Variants in VRK1 observed in about 807,000 individuals in gnomAD.
VRK1 encodes VRK serine/threonine kinase 1, also known as serine/threonine-protein kinase VRK1.
In VRK1, 33 loss-of-function variants were observed where a neutral mutation model predicts 57.1. That is an observed-to-expected ratio of 0.58 (90% CI 0.44 to 0.77). The LOEUF (loss-of-function observed/expected upper bound fraction) is 0.77, where lower values mean the gene tolerates loss of function less well. VRK1 is among the 30% of genes least tolerant of loss of function. The pLI is 0.00. For missense variants in VRK1, 413 were observed against 477.3 expected, an observed-to-expected ratio of 0.87 and a Z score of 1.25; for synonymous variants, 137 against 147.8, an observed-to-expected ratio of 0.93 and a Z score of 0.53.
chr14:96,817,873 A>G (rs1336496930), intron 1 of VRK1, among the ~76,000 whole-genome samples: 2 of 152,216 alleles, frequency 1.3e-5, no homozygotes, highest in Non-Finnish European at 2.9e-5. Flanking sequence ...AGCTCTTCTC[A>G]TGGGCCATAA....
chr14:96,836,287 A>G (rs1887208799), intron 2 of VRK1, among the ~76,000 whole-genome samples: 1 of 151,952 alleles, frequency 6.6e-6, no homozygotes, highest in African/African-American at 2.4e-5. Context: ...ATTCTCCACA[A>G]AGCAGCCCAA....
intron 4 of VRK1, 36 bp from the exon 5 acceptor site, chr14:96,847,221 A>G (rs762976452): frequency 6.4e-7 from 1 of 1,557,752 alleles, no homozygotes; most frequent in Non-Finnish European, 8.9e-7. Flanking sequence ...TTTATGTATA[A>G]CAATTGAAAT....
chr14:96,797,716 C>A (rs111563893), intron 1 of VRK1, among the ~76,000 whole-genome samples: 37 of 152,194 alleles, frequency 2.4e-4, no homozygotes, highest in Non-Finnish European at 4.9e-4. Context: ...CGGCCCCCAT[C>A]TGAGCTCCAC....
At chr14:96,815,921 A>G (rs191745076) in intron 1 of VRK1, among the ~76,000 whole-genome samples, 99 of 152,100 alleles carry the variant, frequency 6.5e-4, no homozygotes, top group African/African-American at 2.3e-3. Context: ...CTGTCCACTC[A>G]AAAAACCTAG....
chr14:96,862,341 C>G (rs538922469), intron 11 of VRK1, among the ~76,000 whole-genome samples: 1 of 152,248 alleles, frequency 6.6e-6, no homozygotes, highest in South Asian at 2.1e-4. Context: ...CTAAGTTGAA[C>G]AAGTTGAACT....
intron 11 of VRK1, among the ~76,000 whole-genome samples, chr14:96,862,511 C>CTTTT (rs5810783): frequency 7.0e-6 from 1 of 142,010 alleles, no homozygotes; most frequent in Non-Finnish European, 1.5e-5. Flanking sequence ...ATTTTGTTAG[C>CTTTT]TTTTTTTTTT....
chr14:96,809,421 A>G (rs1886069186), intron 1 of VRK1, among the ~76,000 whole-genome samples: 1 of 152,178 alleles, frequency 6.6e-6, no homozygotes, highest in Non-Finnish European at 1.5e-5. Context: ...TTTTGAGGCA[A>G]TTATGAACAA....
At chr14:96,846,438 A>G (rs1887696799) in intron 4 of VRK1, among the ~76,000 whole-genome samples, 1 of 152,190 alleles carries the variant, frequency 6.6e-6, no homozygotes, top group Non-Finnish European at 1.5e-5. Flanking sequence ...TTGATGAAAT[A>G]GAACAGGATA....
Position 96,860,662 on chromosome 14 carries a change from G to A in VRK1, c.995G>A (p.Gly332Glu). 6.2e-7 allele frequency: 1 copy of A among 1,613,404 alleles called. No individual in the cohort carries two copies. The change falls in exon 11 of 13, where the codon GGA (glycine) becomes GAA (glutamate). Residue 332 changes from glycine (G) to glutamate (E), a missense_variant. By Grantham distance (98) the Gly-to-Glu change is moderately conservative (BLOSUM62 -2). This residue lies in a region of VRK1 where 146 missense variants were observed against 138.2 expected (regional missense o/e 1.06). Transcript: ENST00000216639. Reference protein sequence around the residue: ...DILLQGLKAIGSKDDGKLDLS... With the variant: ...DILLQGLKAIESKDDGKLDLS... Reference sequence around the variant, plus strand: ...CTTTTGCAAGGACTAAAAGCTATAGGAAGTAAGGATGATGGCAAATTGGAC... The same window carrying A: ...CTTTTGCAAGGACTAAAAGCTATAGAAAGTAAGGATGATGGCAAATTGGAC...
At chr14:96,866,413 CCA>C (rs1449800781) in intron 11 of VRK1, among the ~76,000 whole-genome samples, 1 of 152,138 alleles carries the variant, frequency 6.6e-6, no homozygotes, top group Non-Finnish European at 1.5e-5. Context: ...CTTAGTGAAT[CCA>C]CAGTGAAAGA....
chr14:96,816,067 C>G (rs1289744811), intron 1 of VRK1, among the ~76,000 whole-genome samples: 1 of 151,932 alleles, frequency 6.6e-6, no homozygotes, highest in African/African-American at 2.4e-5. Context: ...ACATTTTGTA[C>G]TAGGAAAGCA....
At chr14:96,800,198 G>A (rs1279660395) in intron 1 of VRK1, among the ~76,000 whole-genome samples, 2 of 151,992 alleles carry the variant, frequency 1.3e-5, no homozygotes, top group African/African-American at 4.8e-5. Flanking sequence ...ATTTCTACTT[G>A]CCATTATAAA....
intron 3 of VRK1, among the ~76,000 whole-genome samples, chr14:96,843,535 G>A (rs1443036022): frequency 6.6e-6 from 1 of 152,076 alleles, no homozygotes; most frequent in Admixed American, 6.6e-5. Flanking sequence ...TTTTTAAATG[G>A]CAGCCAGTTG....
intron 5 of VRK1, among the ~76,000 whole-genome samples, chr14:96,852,042 C>T (rs943856525): frequency 6.6e-6 from 1 of 152,144 alleles, no homozygotes; most frequent in Non-Finnish European, 1.5e-5. Flanking sequence ...AAAAGTGGTC[C>T]TCAGAGCAGA....
At chr14:96,797,982 G>A (rs895909406) in intron 1 of VRK1, among the ~76,000 whole-genome samples, 1 of 152,216 alleles carries the variant, frequency 6.6e-6, no homozygotes. Context: ...GGTGATCCGG[G>A]AGGGCATCTC....
At chr14:96,800,143 C>T (rs557865144) in intron 1 of VRK1, among the ~76,000 whole-genome samples, 4 of 152,110 alleles carry the variant, frequency 2.6e-5, no homozygotes, top group African/African-American at 9.6e-5. Flanking sequence ...TGTATTTTTA[C>T]TCTAGGATAA....
At chr14:96,879,203 T>C (rs1291076787) in intron 12 of VRK1, among the ~76,000 whole-genome samples, 1 of 150,762 alleles carries the variant, frequency 6.6e-6, no homozygotes, top group East Asian at 1.9e-4. Context: ...GTAGTGTATA[T>C]TATGAAAATG....
chr14:96,810,779 A>G (rs1022703760), intron 1 of VRK1, among the ~76,000 whole-genome samples: 2 of 152,120 alleles, frequency 1.3e-5, no homozygotes, highest in African/African-American at 4.8e-5. Context: ...GCTTGTTAGA[A>G]TCTTCTTATA....
chr14:96,878,730 C>T (rs1021824121), intron 12 of VRK1, among the ~76,000 whole-genome samples: 1 of 152,038 alleles, frequency 6.6e-6, no homozygotes, highest in African/African-American at 2.4e-5. Context: ...GAACAGAGGC[C>T]TCTAATCCTT....
Sources: allele counts gnomAD v4.1 joint callset (sites outside exome capture counted in the v4.1 genomes callset), GRCh38; gene constraint gnomAD v4.1.1; regional missense constraint gnomAD v4.1.1; transcripts MANE v1.5; gene names NCBI Gene and HGNC (gene_info 2026-07-23, HGNC 2026-07-21).